JAKMIP3: variants seen among roughly 807,000 people sequenced by gnomAD.
JAKMIP3 encodes the protein janus kinase and microtubule-interacting protein 3.
In JAKMIP3, 58 loss-of-function variants were observed where a neutral mutation model predicts 118.5. The ratio of observed to expected loss-of-function variants is 0.49; its 90% CI spans 0.40 to 0.61. The LOEUF (loss-of-function observed/expected upper bound fraction) is 0.61, where lower values mean the gene tolerates loss of function less well. Among genes scored for constraint, JAKMIP3 ranks in the 20% least tolerant of loss-of-function variants. JAKMIP3 has a pLI of 0.00. For synonymous variants in JAKMIP3, 486 were observed against 451.2 expected (o/e 1.08, Z -0.98); for missense variants, 950 against 1,109.0 (o/e 0.86, Z 2.04).
At chr10:132,119,702 A>G (rs2048243505) in intron 3 of JAKMIP3, among the ~76,000 whole-genome samples, 2 of 152,174 alleles carry the variant, frequency 1.3e-5, no homozygotes, top group South Asian at 4.1e-4. Context: ...TTCCATATAC[A>G]TTTCAGAATC....
chr10:132,048,079 T>C (rs1322823623), intron 1 of JAKMIP3, among the ~76,000 whole-genome samples: 1 of 152,154 alleles, frequency 6.6e-6, no homozygotes, highest in Non-Finnish European at 1.5e-5. Context: ...GGGAACGAGG[T>C]CGTGCATTTT....
Position 132,140,505 on chromosome 10 carries a change from G to A in JAKMIP3, c.1399G>A (p.Asp467Asn), listed in dbSNP as rs1009183234. The A allele has an allele frequency of 6.2e-6, 10 of 1,613,862 alleles. No individual in the cohort carries two copies. The highest frequency in any genetic ancestry group is 1.7e-5 in the Admixed American group (1 of 60,020). ...GYDEEASLES[D>N]GSSVSYQTDR... ...CGACGAAGAGGCTTCCCTGGAATCC[G>A]ACGGCTCCTCCGTCTCTTACCAAAC... Residue 467 changes from aspartate to asparagine, a missense_variant, in exon 10 of 24, where the codon GAC becomes AAC. Coordinates refer to ENST00000684848, the MANE Select transcript of JAKMIP3 (RefSeq NM_001323087.2).
At chr10:132,107,157 C>T (rs2046045059) in intron 2 of JAKMIP3, among the ~76,000 whole-genome samples, 1 of 151,954 alleles carries the variant, frequency 6.6e-6, no homozygotes, top group African/African-American at 2.4e-5. Context: ...AGCCTCCCAA[C>T]ATGCTGGGAT....
chr10:132,072,728 C>T (rs9419339), intron 1 of JAKMIP3, among the ~76,000 whole-genome samples: 1 of 152,004 alleles, frequency 6.6e-6, no homozygotes, highest in Non-Finnish European at 1.5e-5. Flanking sequence ...TATCTCCATT[C>T]TTGGCCTCTA....
At chr10:132,051,426 T>TG (rs987678879) in intron 1 of JAKMIP3, among the ~76,000 whole-genome samples, 16 of 149,696 alleles carry the variant, frequency 1.1e-4, no homozygotes, top group East Asian at 9.9e-4. Flanking sequence ...TCTGGTTATG[T>TG]GGGGGGGTAC....
intron 1 of JAKMIP3, among the ~76,000 whole-genome samples, chr10:132,071,820 T>C (rs968515367): frequency 1.3e-5 from 2 of 150,282 alleles, no homozygotes; most frequent in African/African-American, 2.5e-5. Flanking sequence ...TTCCTTTCTT[T>C]TCTTTCCTTT....
At chr10:132,157,402 ACT>A (rs111551004) in intron 19 of JAKMIP3, among the ~76,000 whole-genome samples, 6 of 152,278 alleles carry the variant, frequency 3.9e-5, no homozygotes, top group African/African-American at 1.4e-4. Context: ...GGACTTAGGT[ACT>A]GTCCATGCAT....
intron 2 of JAKMIP3, among the ~76,000 whole-genome samples, chr10:132,108,368 C>T (rs953441238): frequency 5.3e-5 from 8 of 152,092 alleles, no homozygotes; most frequent in Admixed American, 2.6e-4. Context: ...CTGCCAGTCC[C>T]GGGGGACAGT....
In JAKMIP3 at chr10:132,152,995, C is replaced by T; in HGVS notation, c.2045C>T (p.Ala682Val). 6.2e-7 allele frequency: 1 copy of T among 1,609,274 alleles called. No individual in the cohort carries two copies. The highest frequency in any genetic ancestry group is 8.5e-7 in the Non-Finnish European group (1 of 1,178,254). ...TNEEQVVVIQ[A>V]RTVLTLAEKW... ...GAGGAGCAGGTGGTTGTCATACAAG[C>T]CAGGACAGTCCTGACCTTGGCCGAA... is the stretch of plus-strand genomic sequence containing the variant. Residue 682 changes from alanine (A) to valine (V), a missense_variant, in exon 17 of 24, where the codon GCC becomes GTC. Transcript: ENST00000684848.
chr10:132,159,438 T>A (rs1348688638), intron 19 of JAKMIP3, among the ~76,000 whole-genome samples: 4 of 97,008 alleles, frequency 4.1e-5, no homozygotes, highest in Non-Finnish European at 7.7e-5. Context: ...GGGTGTGTTT[T>A]TTCTGCGTGA....
intron 2 of JAKMIP3, among the ~76,000 whole-genome samples, chr10:132,108,971 T>G (rs748520736): frequency 1.0e-5 from 1 of 96,528 alleles, no homozygotes; most frequent in African/African-American, 4.5e-5. Context: ...TATATATAAA[T>G]TATATACGCA....
At chr10:132,119,487 T>C (rs4880236) in intron 3 of JAKMIP3, among the ~76,000 whole-genome samples, 68,670 of 151,942 alleles carry the variant, frequency 0.45, 15,673 homozygotes, top group South Asian at 0.63. Context: ...TCAAAAACCG[T>C]CTCCCCCTTT....
intron 1 of JAKMIP3, among the ~76,000 whole-genome samples, chr10:132,093,108 C>T (rs139768040): frequency 0.015 from 2,253 of 152,314 alleles, 66 homozygotes; most frequent in African/African-American, 0.051. Flanking sequence ...GCAAATATTG[C>T]TGCCTGATCA....
chr10:132,086,699 A>C lies in JAKMIP3; in HGVS notation c.-137-17973A>C, dbSNP rs536089429. 2.0e-5 allele frequency among the ~76,000 whole-genome samples: 3 copies of C among 152,236 alleles called. No individual in the cohort carries two copies. The East Asian group carries it at 5.8e-4, about 29-fold the overall frequency. Reference sequence around the variant, plus strand: ...CTACTCCTGCTCCCTTTTGGTGTCCATTTCCATGAAATGTCTTTTTCCACC... The same window carrying C: ...CTACTCCTGCTCCCTTTTGGTGTCCCTTTCCATGAAATGTCTTTTTCCACC... On this transcript the variant is annotated intron_variant, in intron 1 of 23. Transcript: ENST00000684848.
In JAKMIP3 at chr10:132,117,052, A is replaced by G. The variant is rs558922423; in HGVS notation, c.136-25A>G. The G allele has an allele frequency of 6.1e-5, 96 of 1,584,620 alleles. No homozygotes were observed. In the East Asian group the frequency reaches 2.0e-3, roughly 33 times the overall value. The stretch of plus-strand genomic sequence containing the variant: ...TGTGCATGGCTGGAGCTCCTGCCAC[A>G]CTCAGTCTCGCTGTTGTCTTTCAGG... On this transcript the variant is annotated intron_variant, in intron 2 of 23. Transcript: ENST00000684848. This position sits in a 1 kb window ranked among gnomAD's most constrained non-coding sequence, Gnocchi z 8.6.
intron 1 of JAKMIP3, among the ~76,000 whole-genome samples, chr10:132,067,470 T>C (rs2038970402): frequency 6.6e-6 from 1 of 152,240 alleles, no homozygotes; most frequent in East Asian, 1.9e-4. Flanking sequence ...GACCAGGTGG[T>C]GGTCCCACAG....
At chr10:132,070,396 C>T (rs1317881006) in intron 1 of JAKMIP3, among the ~76,000 whole-genome samples, 1 of 152,180 alleles carries the variant, frequency 6.6e-6, no homozygotes, top group Non-Finnish European at 1.5e-5. Flanking sequence ...GATCCGCCTG[C>T]CTCAGCCTCC....
chr10:132,135,249 G>A (rs1355626303), intron 5 of JAKMIP3, 89 bp downstream of exon 5: 9 of 1,325,908 alleles, frequency 6.8e-6, no homozygotes, highest in South Asian at 1.3e-5. Flanking sequence ...AATTCCTTGC[G>A]TAAAGGAGTG....
intron 21 of JAKMIP3, among the ~76,000 whole-genome samples, chr10:132,164,994 C>T (rs1486621677): frequency 6.6e-6 from 1 of 152,244 alleles, no homozygotes; most frequent in African/African-American, 2.4e-5. Context: ...AGGGCCCAGC[C>T]ATGCGACCGC....
Sources: gnomAD v4.1 joint callset for allele counts (sites outside exome capture counted in the v4.1 genomes callset) on GRCh38, gnomAD v4.1.1 for gene constraint, Gnocchi (gnomAD v3.1) non-coding constraint, MANE v1.5 for transcripts, NCBI Gene and HGNC (gene_info 2026-07-23, HGNC 2026-07-21) for gene names.